AIDA: variants seen among roughly 807,000 people sequenced by gnomAD.
The protein encoded by AIDA is axin interactor, dorsalization associated.
A neutral mutation model predicts 42.7 loss-of-function variants in AIDA; 18 were observed. The observed-to-expected ratio is 0.42, with a 90% CI of 0.29 to 0.63. The LOEUF is 0.63. Ranked by LOEUF, AIDA falls within the 20% of genes least tolerant of loss-of-function variation. AIDA has a pLI of 0.19. For synonymous variants in AIDA, 104 were observed against 122.9 expected (o/e 0.85, Z 1.02); for missense variants, 250 against 354.1 (o/e 0.71, Z 2.36).
At chr1:222,700,779 G>A (rs1186991505) in intron 2 of AIDA, among the ~76,000 whole-genome samples, 1 of 151,794 alleles carries the variant, frequency 6.6e-6, no homozygotes, top group East Asian at 1.9e-4. Context: ...AGATCTGCGG[G>A]TCTTTGCAAC....
At chr1:222,703,362 T>TAAA in intron 1 of AIDA, 145 bp from the exon 2 acceptor site, 1 of 446,790 alleles carries the variant, frequency 2.2e-6, no homozygotes, top group Non-Finnish European at 3.8e-6. Flanking sequence ...CAAATTCTTC[T>TAAA]CAAAAAAAAA....
chr1:222,693,632 CA>C (rs2124961650), intron 4 of AIDA, among the ~76,000 whole-genome samples, 156 bp downstream of exon 4: 1 of 152,146 alleles, frequency 6.6e-6, no homozygotes, highest in African/African-American at 2.4e-5. Flanking sequence ...ATAATTACTA[CA>C]AATGTTACAG....
intron 6 of AIDA, 23 bp downstream of exon 6, chr1:222,686,907 T>C: frequency 6.2e-7 from 1 of 1,605,634 alleles, no homozygotes; most frequent in South Asian, 1.1e-5. Flanking sequence ...AAATAATGTT[T>C]ATTTTTAATA....
At chr1:222,698,677 C>T (rs2124965105) in intron 2 of AIDA, among the ~76,000 whole-genome samples, 1 of 152,110 alleles carries the variant, frequency 6.6e-6, no homozygotes, top group Middle Eastern at 3.4e-3. Context: ...TCTCGAATTC[C>T]AGACCTCAGG....
At chr1:222,705,810 G>C (rs1655823786) in intron 1 of AIDA, among the ~76,000 whole-genome samples, 1 of 151,986 alleles carries the variant, frequency 6.6e-6, no homozygotes, top group Admixed American at 6.6e-5. Context: ...CTTGAACCCG[G>C]GAGGCAAAGG....
intron 8 of AIDA, among the ~76,000 whole-genome samples, chr1:222,670,941 G>A (rs1296126068): frequency 1.3e-5 from 2 of 152,118 alleles, no homozygotes; most frequent in East Asian, 1.9e-4. Context: ...AGTTCTGGCC[G>A]GGTGCGGTGG....
rs772641938 is a variant in AIDA at position 222,673,368 on chromosome 1, A to G, written c.651T>C (p.Tyr217=). The G allele has an allele frequency of 4.3e-6, 7 of 1,611,458 alleles. No individual in the cohort carries two copies. Among genetic ancestry groups the G allele is most frequent in the South Asian group, 2.2e-5 (2 of 90,434 alleles). The change falls in exon 8 of 10, where the codon TAT becomes TAC. Residue 217 remains tyrosine (Y), a synonymous_variant. Coordinates refer to ENST00000340020, the MANE Select transcript of AIDA (RefSeq NM_022831.4). ...TPVASRKEDT[Y]VHFNVDIELQ... is the part of the protein sequence containing the mutation. ...GCTCAATGTCCACATTAAAATGAAC[A>G]TATGTATCTTCTTTTCTTGAAGCCA...
chr1:222,712,019 G>A, intron 1 of AIDA, 189 bp downstream of exon 1: 1 of 765,626 alleles, frequency 1.3e-6, no homozygotes, highest in Non-Finnish European at 2.1e-6. Flanking sequence ...AGTCACCCCA[G>A]AGAGCGGAGC....
chr1:222,696,019 G>C (rs555177328), intron 2 of AIDA, among the ~76,000 whole-genome samples: 1 of 152,064 alleles, frequency 6.6e-6, no homozygotes, highest in Non-Finnish European at 1.5e-5. Flanking sequence ...AACCACTACT[G>C]AGCAAGATAC....
At position 222,684,614 on chromosome 1, in the gene AIDA, T is replaced by C. The variant is rs146899180; in HGVS notation, c.460+2316A>G. 1.3e-4 allele frequency among the ~76,000 whole-genome samples: 20 copies of C among 152,268 alleles called. No individual in the cohort carries two copies. The East Asian group carries it at 2.9e-3, about 22-fold the overall frequency. On this transcript the variant is annotated intron_variant, in intron 6 of 9. Transcript: ENST00000340020. ...GAACAATATGATCCCAAACCAAATA[T>C]AGCTAATTAAACCATACATACTCTT...
At chr1:222,671,286 A>G (rs1664444620) in intron 8 of AIDA, among the ~76,000 whole-genome samples, 1 of 152,116 alleles carries the variant, frequency 6.6e-6, no homozygotes, top group Admixed American at 6.6e-5. Context: ...CCAACAGATA[A>G]ACTCTTCCCC....
intron 6 of AIDA, among the ~76,000 whole-genome samples, chr1:222,678,200 GGTGTGTGT>G (rs71732365): frequency 0.16 from 22,667 of 145,312 alleles, 3,089 homozygotes; most frequent in African/African-American, 0.39. Context: ...TATATCTTGG[GGTGTGTGT>G]GTGTGTGTGT....
intron 1 of AIDA, among the ~76,000 whole-genome samples, chr1:222,704,379 C>T (rs572358776): frequency 3.7e-4 from 56 of 152,176 alleles, no homozygotes; most frequent in Admixed American, 1.3e-3. Flanking sequence ...AAAAACTGAA[C>T]ACAAATGTAC....
intron 4 of AIDA, among the ~76,000 whole-genome samples, chr1:222,688,263 C>T (rs1292253444): frequency 1.3e-5 from 2 of 151,842 alleles, no homozygotes; most frequent in East Asian, 1.9e-4. Flanking sequence ...TATTCTCTGT[C>T]CTGAGATTTC....
At chr1:222,685,668 T>C (rs1655140317) in intron 6 of AIDA, among the ~76,000 whole-genome samples, 1 of 152,132 alleles carries the variant, frequency 6.6e-6, no homozygotes, top group Non-Finnish European at 1.5e-5. Flanking sequence ...AAAGCAGTAA[T>C]TGGGAGAGGC....
At chr1:222,701,016 G>A (rs1249736535) in intron 2 of AIDA, among the ~76,000 whole-genome samples, 2 of 147,984 alleles carry the variant, frequency 1.4e-5, no homozygotes, top group East Asian at 4.1e-4. Flanking sequence ...AGGCTGGAGT[G>A]CAGTGGCATG....
chr1:222,689,563 ATATATG>A (rs1389224935), intron 4 of AIDA, among the ~76,000 whole-genome samples: 5 of 76,540 alleles, frequency 6.5e-5, no homozygotes, highest in Admixed American at 1.2e-4. Context: ...ATATATGTAT[ATATATG>A]TATATATATA....
intron 1 of AIDA, among the ~76,000 whole-genome samples, chr1:222,703,584 G>C (rs577539779): frequency 1.3e-5 from 2 of 152,148 alleles, no homozygotes; most frequent in Non-Finnish European, 2.9e-5. Context: ...GGGAGCACCA[G>C]TGATTATACC....
At chr1:222,700,050 G>A (rs894062237) in intron 2 of AIDA, among the ~76,000 whole-genome samples, 20 of 152,182 alleles carry the variant, frequency 1.3e-4, no homozygotes, top group African/African-American at 4.8e-4. Context: ...GAGCCACCGC[G>A]TCCGGCTAAG....
Sources: allele counts gnomAD v4.1 joint callset (sites outside exome capture counted in the v4.1 genomes callset), GRCh38; gene constraint gnomAD v4.1.1; transcripts MANE v1.5; gene names NCBI Gene and HGNC (gene_info 2026-07-23, HGNC 2026-07-21).